COL25A1: variants seen among roughly 807,000 people sequenced by gnomAD.
The protein encoded by COL25A1 is collagen type XXV alpha 1 chain, also known as collagen alpha-1(XXV) chain.
A neutral mutation model predicts 128.4 loss-of-function variants in COL25A1; 103 were observed. The observed-to-expected ratio is 0.80, with a 90% CI of 0.68 to 0.94. The LOEUF (loss-of-function observed/expected upper bound fraction) is 0.94. Among genes scored for constraint, COL25A1 ranks in the 40% least tolerant of loss-of-function variants. COL25A1 has a pLI of 0.00. For missense variants in COL25A1, 745 were observed against 840.0 expected, an observed-to-expected ratio of 0.89 and a Z score of 1.40; for synonymous variants, 279 against 277.2, an observed-to-expected ratio of 1.01 and a Z score of -0.06.
intron 8 of COL25A1, among the ~76,000 whole-genome samples, chr4:108,953,022 C>G (rs1458580742): frequency 2.0e-5 from 3 of 151,944 alleles, no homozygotes; most frequent in Admixed American, 2.0e-4. Context: ...AGCCTCTTTC[C>G]TATTCATGGA....
chr4:109,133,663 A>T (rs1400973101), intron 3 of COL25A1, among the ~76,000 whole-genome samples: 3 of 152,198 alleles, frequency 2.0e-5, no homozygotes, highest in Non-Finnish European at 4.4e-5. Flanking sequence ...AACTTAAATT[A>T]TTACTGCAAC....
chr4:108,996,290 A>G (rs1335359215), intron 6 of COL25A1, among the ~76,000 whole-genome samples: 5 of 4,766 alleles, frequency 1.0e-3, no homozygotes, highest in Non-Finnish European at 1.6e-3. Context: ...AGCAAATGGG[A>G]AAAAAAAAAA....
intron 3 of COL25A1, among the ~76,000 whole-genome samples, chr4:109,231,651 C>A (rs1276608354): frequency 6.6e-6 from 1 of 152,144 alleles, no homozygotes; most frequent in Non-Finnish European, 1.5e-5. Context: ...AAATTCTATC[C>A]TGACCATCCA....
At chr4:108,875,377 T>A (rs896293017) in intron 19 of COL25A1, among the ~76,000 whole-genome samples, 1 of 151,732 alleles carries the variant, frequency 6.6e-6, no homozygotes, top group Admixed American at 6.6e-5. Context: ...AAAAAACAAA[T>A]AACCCCATCA....
At chr4:109,192,518 T>C (rs1361812123) in intron 3 of COL25A1, among the ~76,000 whole-genome samples, 1 of 152,104 alleles carries the variant, frequency 6.6e-6, no homozygotes, top group Non-Finnish European at 1.5e-5. Flanking sequence ...AGTGATGTCA[T>C]GAGGGTGGGC....
At chr4:108,978,641 T>C (rs1016543106) in intron 6 of COL25A1, among the ~76,000 whole-genome samples, 6 of 152,362 alleles carry the variant, frequency 3.9e-5, no homozygotes, top group Admixed American at 2.0e-4. Context: ...TATTTTTCAA[T>C]GGCACATTGC....
At chr4:109,132,234 TAC>T (rs775995160) in intron 3 of COL25A1, among the ~76,000 whole-genome samples, 2 of 152,056 alleles carry the variant, frequency 1.3e-5, no homozygotes, top group Admixed American at 6.6e-5. Flanking sequence ...ATATATATAA[TAC>T]ACACACACAT....
intron 8 of COL25A1, among the ~76,000 whole-genome samples, chr4:108,965,132 G>A (rs1268175534): frequency 9.9e-5 from 15 of 152,170 alleles, no homozygotes; most frequent in Non-Finnish European, 4.4e-5. Context: ...TCCTTTTCTG[G>A]AACTTAATCT....
At chr4:108,855,116 T>C (rs1390795843) in intron 24 of COL25A1, among the ~76,000 whole-genome samples, 1 of 151,902 alleles carries the variant, frequency 6.6e-6, no homozygotes, top group Non-Finnish European at 1.5e-5. Context: ...CATTCAAACT[T>C]GTAGGTATCA....
intron 3 of COL25A1, among the ~76,000 whole-genome samples, chr4:109,077,946 C>T (rs1434465125): frequency 1.3e-5 from 2 of 152,176 alleles, no homozygotes; most frequent in African/African-American, 2.4e-5. Flanking sequence ...GGCCATCACC[C>T]ATAAAGGATA....
At chr4:109,019,202 C>T (rs1295260689) in intron 5 of COL25A1, among the ~76,000 whole-genome samples, 1 of 151,738 alleles carries the variant, frequency 6.6e-6, no homozygotes, top group Non-Finnish European at 1.5e-5. Context: ...CTGGATGCTT[C>T]CTGCCCTCAA....
intron 5 of COL25A1, among the ~76,000 whole-genome samples, chr4:109,026,601 G>A (rs1405904028): frequency 6.6e-6 from 1 of 152,182 alleles, no homozygotes; most frequent in Non-Finnish European, 1.5e-5. Flanking sequence ...CAGCAACAGT[G>A]GAAAACATGT....
At chr4:108,823,943 A>C (rs372295725) in intron 35 of COL25A1, 3 of 1,424,630 alleles carry the variant, frequency 2.1e-6, no homozygotes, top group East Asian at 2.8e-5. Context: ...TGTAGCTAGA[A>C]TATCTGGTGA....
At chr4:109,029,093 T>C (rs1309880445) in intron 5 of COL25A1, among the ~76,000 whole-genome samples, 1 of 152,124 alleles carries the variant, frequency 6.6e-6, no homozygotes, top group Non-Finnish European at 1.5e-5. Context: ...TATAAAGAAA[T>C]GGAACAGCAT....
intron 3 of COL25A1, among the ~76,000 whole-genome samples, chr4:109,273,833 T>C (rs7695097): frequency 0.044 from 6,743 of 152,284 alleles, 525 homozygotes; most frequent in African/African-American, 0.15. Context: ...TCAGACCTAC[T>C]GTCCAAGTTA....
intron 5 of COL25A1, among the ~76,000 whole-genome samples, chr4:109,020,494 T>G (rs1757622057): frequency 6.6e-5 from 5 of 75,650 alleles, no homozygotes; most frequent in East Asian, 4.1e-4. Flanking sequence ...AGAATGAGCA[T>G]GGAGATTATT....
intron 3 of COL25A1, among the ~76,000 whole-genome samples, chr4:109,203,055 T>C (rs1776700929): frequency 6.6e-6 from 1 of 152,080 alleles, no homozygotes; most frequent in African/African-American, 2.4e-5. Flanking sequence ...CTAGAGGATG[T>C]TGTAGATGGA....
At position 109,197,553 on chromosome 4, in the gene COL25A1, A is replaced by T. The variant is rs566217772; in HGVS notation, c.367+103030T>A. ...ATACATATATAAATAATAGAGAGAG[A>T]GAGTCACAGGACAATCTTTTTTAAA... On this transcript the variant is annotated intron_variant, in intron 3 of 37. Coordinates refer to ENST00000399132, the MANE Select transcript of COL25A1 (RefSeq NM_198721.4). 2.8e-5 allele frequency among the ~76,000 whole-genome samples: 4 copies of T among 140,850 alleles called. No homozygotes were observed. The East Asian group carries it at 7.9e-4, about 28-fold the overall frequency. The allele number at this position is 140,850 out of a possible 152,430, so 92.4% of individuals were successfully genotyped here.
chr4:109,300,286 T>G (rs1278429899), intron 3 of COL25A1, among the ~76,000 whole-genome samples: 1 of 152,134 alleles, frequency 6.6e-6, no homozygotes, highest in Non-Finnish European at 1.5e-5. Context: ...ACAATTTAAT[T>G]GAAGAATATT....
Sources: gnomAD v4.1 joint callset for allele counts (sites outside exome capture counted in the v4.1 genomes callset) on GRCh38, gnomAD v4.1.1 for gene constraint, MANE v1.5 for transcripts, NCBI Gene and HGNC (gene_info 2026-07-23, HGNC 2026-07-21) for gene names.